Variants in RPN2 observed in about 807,000 individuals in gnomAD.
The protein encoded by RPN2 is ribophorin II.
A neutral mutation model predicts 71.4 loss-of-function variants in RPN2; 29 were observed. The ratio of observed to expected loss-of-function variants is 0.41; its 90% CI spans 0.30 to 0.55. The LOEUF is 0.55. Among genes scored for constraint, RPN2 ranks in the 20% least tolerant of loss-of-function variants. RPN2 has a pLI of 0.35. For synonymous variants in RPN2, 308 were observed against 305.0 expected (o/e 1.01, Z -0.10); for missense variants, 726 against 774.1 (o/e 0.94, Z 0.74).
At chr20:37,181,591 G>A (rs1457793628) in intron 1 of RPN2, among the ~76,000 whole-genome samples, 1 of 152,004 alleles carries the variant, frequency 6.6e-6, no homozygotes, top group Non-Finnish European at 1.5e-5. Context: ...CTCATGTTTT[G>A]TATTTTTAGT....
intron 2 of RPN2, among the ~76,000 whole-genome samples, chr20:37,188,073 A>G (rs1301561829): frequency 2.0e-5 from 3 of 152,146 alleles, no homozygotes; most frequent in Non-Finnish European, 2.9e-5. Flanking sequence ...TATATCTTGA[A>G]TTATTATTTT....
At chr20:37,199,277 C>T in intron 4 of RPN2, 52 bp downstream of exon 4, 1 of 1,601,574 alleles carries the variant, frequency 6.2e-7, no homozygotes, top group Non-Finnish European at 8.5e-7. Context: ...CGGGTCCTAT[C>T]CGAAGAGGGC....
At position 37,213,155 on chromosome 20, in the gene RPN2, T is replaced by G. The variant is rs559985072; in HGVS notation, c.987-605T>G. On this transcript the variant is annotated intron_variant, in intron 8 of 16. Transcript: ENST00000237530. Reference sequence around the variant, plus strand: ...GGAGTATTTTCCTCTACATTTTTGTTGTCATTGTGAAACATATGTGGGATC... The same window carrying G: ...GGAGTATTTTCCTCTACATTTTTGTGGTCATTGTGAAACATATGTGGGATC... Among the ~76,000 whole-genome samples the G allele has an allele frequency of 5.3e-5, 8 of 152,362 alleles. No homozygotes were observed. The South Asian group carries it at 1.7e-3, about 32-fold the overall frequency.
At chr20:37,217,272 A>ATATTATTATTAT (rs751816144) in intron 9 of RPN2, among the ~76,000 whole-genome samples, 1 of 89,004 alleles carries the variant, frequency 1.1e-5, no homozygotes, top group African/African-American at 3.9e-5. Context: ...TGAAAACTAA[A>ATATTATTATTAT]TATTATTATT....
At chr20:37,229,391 C>T (rs918991984) in intron 12 of RPN2, among the ~76,000 whole-genome samples, 1 of 152,094 alleles carries the variant, frequency 6.6e-6, no homozygotes, top group African/African-American at 2.4e-5. Flanking sequence ...GCTCAAGGTG[C>T]TTTCAGTGCA....
chr20:37,214,188 A>G lies in RPN2; in HGVS notation c.1092+323A>G, dbSNP rs559572245. On this transcript the variant is annotated intron_variant, in intron 9 of 16. Coordinates refer to ENST00000237530, the MANE Select transcript of RPN2 (RefSeq NM_002951.5). ...TAATTCCACTGAGCCTTAAACTCTTAAAGTGTTTTGTGTGATAGGCTTTGG... is the reference window on the plus strand; with the variant it reads ...TAATTCCACTGAGCCTTAAACTCTTGAAGTGTTTTGTGTGATAGGCTTTGG... Among the ~76,000 whole-genome samples the G allele has an allele frequency of 7.9e-5, 12 of 152,372 alleles. 1 individual carries two copies. The highest frequency in any genetic ancestry group is 2.6e-4 in the African/African-American group (11 of 41,590).
At chr20:37,192,702 C>T (rs769457270) in intron 2 of RPN2, among the ~76,000 whole-genome samples, 14 of 152,174 alleles carry the variant, frequency 9.2e-5, no homozygotes, top group Admixed American at 2.6e-4. Flanking sequence ...AATACATGCA[C>T]GAATATTTGC....
chr20:37,238,764 C>G lies in RPN2; in HGVS notation c.1883+2055C>G, dbSNP rs751110991. On this transcript the variant is annotated intron_variant, in intron 16 of 16. Transcript: ENST00000237530. The stretch of plus-strand genomic sequence containing the variant: ...TACTTATTTATAGACAAGCCTCTCT[C>G]TCTGTTTCCAGGACAGCTGAGATGA... The G allele has an allele frequency of 8.2e-6, 5 of 610,762 alleles. No individual in the cohort carries two copies. The East Asian group carries it at 1.9e-4, about 23-fold the overall frequency. The allele number at this position is 610,762 out of a possible 1,614,324, so 37.8% of individuals were successfully genotyped here. A position where few individuals can be genotyped will look rare whatever the true frequency, so the allele number is the denominator to read the frequency against.
intron 8 of RPN2, among the ~76,000 whole-genome samples, chr20:37,211,666 G>A (rs1239742538): frequency 2.6e-5 from 4 of 151,150 alleles, no homozygotes; most frequent in Admixed American, 1.3e-4. Flanking sequence ...AAAAAAATCA[G>A]GGTATGCTTT....
intron 9 of RPN2, among the ~76,000 whole-genome samples, chr20:37,222,187 A>G (rs1454361390): frequency 3.9e-5 from 6 of 152,212 alleles, no homozygotes; most frequent in African/African-American, 1.4e-4. Context: ...CCAAAGAGCC[A>G]AAGTGAGGCT....
intron 16 of RPN2, among the ~76,000 whole-genome samples, chr20:37,237,741 T>G (rs1034369903): frequency 1.3e-5 from 2 of 152,130 alleles, no homozygotes; most frequent in Non-Finnish European, 2.9e-5. Context: ...TCCAGTAGCC[T>G]TTTCCTGGTG....
At chr20:37,185,035 A>C (rs1478431244) in intron 2 of RPN2, among the ~76,000 whole-genome samples, 1 of 152,184 alleles carries the variant, frequency 6.6e-6, no homozygotes, top group African/African-American at 2.4e-5. Flanking sequence ...AGGCACTCAC[A>C]TGTATTAAAT....
At chr20:37,182,542 C>T (rs1054379968) in intron 1 of RPN2, among the ~76,000 whole-genome samples, 1 of 152,108 alleles carries the variant, frequency 6.6e-6, no homozygotes, top group Non-Finnish European at 1.5e-5. Flanking sequence ...AGGCACACGC[C>T]ACCATGCCTG....
At chr20:37,188,294 A>G (rs1015376391) in intron 2 of RPN2, among the ~76,000 whole-genome samples, 16 of 151,914 alleles carry the variant, frequency 1.1e-4, no homozygotes, top group African/African-American at 3.6e-4. Context: ...TCAGCCTCCT[A>G]TAGGTGCACG....
At chr20:37,209,986 A>G in intron 7 of RPN2, 61 bp from the exon 8 acceptor site, 1 of 1,603,064 alleles carries the variant, frequency 6.2e-7, no homozygotes, top group Non-Finnish European at 8.5e-7. Context: ...AGCACCCCAG[A>G]AACAAAATTC....
At chr20:37,190,115 G>A (rs1040274453) in intron 2 of RPN2, among the ~76,000 whole-genome samples, 1 of 152,228 alleles carries the variant, frequency 6.6e-6, no homozygotes, top group East Asian at 1.9e-4. Context: ...GGAACCACAG[G>A]ATTCGGTGTA....
Position 37,236,379 on chromosome 20 carries a change from G to A in RPN2, c.1754-201G>A, listed in dbSNP as rs550166168. ...TGGGATTACAGGTGTGAGCCACTGTGCCTGGCCACACACTTGGCCACAGCT... is the reference window on the plus strand; with the variant it reads ...TGGGATTACAGGTGTGAGCCACTGTACCTGGCCACACACTTGGCCACAGCT... On this transcript the variant is annotated intron_variant, in intron 15 of 16. Coordinates refer to ENST00000237530, the MANE Select transcript of RPN2 (RefSeq NM_002951.5). Among the ~76,000 whole-genome samples the A allele has an allele frequency of 2.0e-3, 312 of 152,306 alleles. 1 individual carries two copies. Among genetic ancestry groups the A allele is most frequent in the African/African-American group, 7.1e-3 (294 of 41,570 alleles).
intron 4 of RPN2, among the ~76,000 whole-genome samples, chr20:37,199,546 G>T (rs2067333783): frequency 1.3e-5 from 2 of 152,190 alleles, no homozygotes; most frequent in Admixed American, 1.3e-4. Context: ...GCAGATAACT[G>T]AGAAGGAGCC....
chr20:37,199,446 G>A (rs2067331628), intron 4 of RPN2, among the ~76,000 whole-genome samples: 2 of 152,206 alleles, frequency 1.3e-5, no homozygotes, highest in Admixed American at 1.3e-4. Flanking sequence ...TGCAAGCCTC[G>A]CAGACAGAAG....
Sources: allele counts gnomAD v4.1 joint callset (sites outside exome capture counted in the v4.1 genomes callset), GRCh38; gene constraint gnomAD v4.1.1; transcripts MANE v1.5; gene names NCBI Gene and HGNC (gene_info 2026-07-23, HGNC 2026-07-21).